COL23A1: variants seen among roughly 807,000 people sequenced by gnomAD.
COL23A1 encodes collagen alpha-1(XXIII) chain.
A neutral mutation model predicts 99.3 loss-of-function variants in COL23A1; 97 were observed. The observed-to-expected ratio is 0.98, with a 90% CI of 0.83 to 1.16. The LOEUF is 1.16. COL23A1 is among the 50% of genes most tolerant of loss of function. COL23A1 has a pLI of 0.00. For synonymous variants in COL23A1, 320 were observed against 308.2 expected (o/e 1.04, Z -0.40); for missense variants, 762 against 757.4 (o/e 1.01, Z -0.07).
chr5:178,502,963 G>A (rs540758939), intron 2 of COL23A1, among the ~76,000 whole-genome samples: 3 of 152,316 alleles, frequency 2.0e-5, no homozygotes, highest in Non-Finnish European at 4.4e-5. Flanking sequence ...CCAGCAGCAC[G>A]GGCCAACCCC....
intron 5 of COL23A1, among the ~76,000 whole-genome samples, chr5:178,277,208 A>G (rs955619110): frequency 1.3e-5 from 2 of 152,088 alleles, no homozygotes; most frequent in Non-Finnish European, 2.9e-5. Context: ...TCTAAAAAAA[A>G]AAAAAAAAAA....
At chr5:178,331,442 G>A (rs767366619) in intron 2 of COL23A1, among the ~76,000 whole-genome samples, 1 of 152,218 alleles carries the variant, frequency 6.6e-6, no homozygotes, top group Non-Finnish European at 1.5e-5. Context: ...CTGTAAACTG[G>A]GCATAACATG....
rs73804790 is a variant in COL23A1, at chr5:178,322,526, G to A, written c.362-15607C>T. Among the ~76,000 whole-genome samples the A allele has an allele frequency of 1.1e-4, 16 of 152,296 alleles. No homozygotes were observed. The South Asian group carries it at 1.4e-3, about 14-fold the overall frequency. On this transcript the variant is annotated intron_variant, in intron 2 of 28. Transcript: ENST00000390654. The stretch of plus-strand genomic sequence containing the variant: ...CCAAAGGGGAAAGATCTGGATTTGC[G>A]CGCTGCTTCTGTGAGTGTGACCTGG...
chr5:178,245,904 A>C, intron 25 of COL23A1, 38 bp downstream of exon 25: 1 of 1,612,352 alleles, frequency 6.2e-7, no homozygotes, highest in Non-Finnish European at 8.5e-7. Context: ...TACACACAAG[A>C]GGCACCCAAT....
intron 1 of COL23A1, among the ~76,000 whole-genome samples, chr5:178,568,812 A>G (rs7728369): frequency 0.017 from 2,584 of 152,254 alleles, 82 homozygotes; most frequent in African/African-American, 0.058. Context: ...CTACACTACC[A>G]TTTGCTCATC....
rs1488909522 is a variant in COL23A1, at chr5:178,357,914, GTA to G, written c.362-50997_362-50996del. Reference sequence around the variant, plus strand: ...GTGTGTATGTGTGTCTAATGTGTGTGTATGTGTATGTGTGTATGTGTATGTAT... The same window carrying G: ...GTGTGTATGTGTGTCTAATGTGTGTGTGTGTATGTGTGTATGTGTATGTAT... On this transcript the variant is annotated intron_variant, in intron 2 of 28. Transcript: ENST00000390654. Among the ~76,000 whole-genome samples, 236 of 61,946 alleles carry G rather than the reference GTA, an allele frequency of 3.8e-3. 2 individuals carry two copies. Among genetic ancestry groups the G allele is most frequent in the African/African-American group, 8.9e-3 (217 of 24,384 alleles). 40.6% of individuals were successfully genotyped at this position (61,946 alleles called of 152,430 possible). A position where few individuals can be genotyped will look rare whatever the true frequency, so the allele number is the denominator to read the frequency against.
chr5:178,561,913 G>A (rs1762578657), intron 1 of COL23A1: 1 of 327,374 alleles, frequency 3.1e-6, no homozygotes, highest in African/African-American at 2.2e-5. Flanking sequence ...GGCACCTCCA[G>A]CCACCGGAAA....
chr5:178,562,241 CA>C (rs780899897), intron 1 of COL23A1: 5 of 131,942 alleles, frequency 3.8e-5, no homozygotes, highest in South Asian at 3.6e-4. Context: ...GACTCCATCT[CA>C]AAAAAAGAAA....
At chr5:178,555,692 C>T (rs1237962736) in intron 2 of COL23A1, among the ~76,000 whole-genome samples, 1 of 152,214 alleles carries the variant, frequency 6.6e-6, no homozygotes, top group Non-Finnish European at 1.5e-5. Context: ...GGCTCCAGGA[C>T]ACGTGGAGTG....
In COL23A1 at chr5:178,280,329, C is replaced by T. The variant is rs75275442; in HGVS notation, c.441+7995G>A. Among the ~76,000 whole-genome samples the T allele has an allele frequency of 2.0e-5, 3 of 152,292 alleles. No homozygotes were observed. The highest frequency in any genetic ancestry group is 4.8e-5 in the African/African-American group (2 of 41,560). Reference sequence around the variant, plus strand: ...TTGGTAATGGACAGAGCAGTGGGAACGGTCCCTGAACCCAGTCCGTGTGCC... The same window carrying T: ...TTGGTAATGGACAGAGCAGTGGGAATGGTCCCTGAACCCAGTCCGTGTGCC... On this transcript the variant is annotated intron_variant, in intron 5 of 28. Transcript: ENST00000390654. The surrounding 1 kb of genome is among the most constrained non-coding windows in gnomAD (Gnocchi z 4.9).
intron 2 of COL23A1, among the ~76,000 whole-genome samples, chr5:178,417,339 G>C (rs1264576949): frequency 6.6e-6 from 1 of 152,222 alleles, no homozygotes; most frequent in Non-Finnish European, 1.5e-5. Flanking sequence ...GCTTGACCCT[G>C]CTGATTACTG....
chr5:178,277,723 G>T (rs1044861938), intron 5 of COL23A1, among the ~76,000 whole-genome samples: 1 of 152,252 alleles, frequency 6.6e-6, no homozygotes, highest in Non-Finnish European at 1.5e-5. Context: ...GTATGTCCAT[G>T]TCACACATCA....
At chr5:178,414,763 C>T (rs538055628) in intron 2 of COL23A1, among the ~76,000 whole-genome samples, 9 of 152,176 alleles carry the variant, frequency 5.9e-5, no homozygotes, top group Non-Finnish European at 1.0e-4. Context: ...CAGAGTGAGA[C>T]TCCAACTAAA....
At chr5:178,455,614 C>G (rs1238491790) in intron 2 of COL23A1, among the ~76,000 whole-genome samples, 1 of 152,196 alleles carries the variant, frequency 6.6e-6, no homozygotes, top group Admixed American at 6.5e-5. Flanking sequence ...GCCTCCACAT[C>G]CAGGCATGAC....
At chr5:178,262,192 C>A in intron 10 of COL23A1, 25 bp downstream of exon 10, 1 of 1,572,832 alleles carries the variant, frequency 6.4e-7, no homozygotes, top group Admixed American at 1.9e-5. Flanking sequence ...GCAGCCCAGG[C>A]CTCTGGAATG....
At chr5:178,296,777 C>G (rs1219656843) in intron 3 of COL23A1, among the ~76,000 whole-genome samples, 1 of 152,032 alleles carries the variant, frequency 6.6e-6, no homozygotes, top group Non-Finnish European at 1.5e-5. Context: ...TCTCGTTGCT[C>G]GTGGGACAGT....
intron 2 of COL23A1, among the ~76,000 whole-genome samples, chr5:178,523,181 C>CATATATATATATATATATAT (rs375162340): frequency 1.1e-5 from 1 of 90,448 alleles, no homozygotes; most frequent in Non-Finnish European, 2.2e-5. Context: ...TATATATACA[C>CATATATATATATATATATAT]ATATATATAT....
At chr5:178,469,329 A>G (rs1581447975) in intron 2 of COL23A1, among the ~76,000 whole-genome samples, 1 of 152,286 alleles carries the variant, frequency 6.6e-6, no homozygotes. Context: ...GACACTGCGC[A>G]GTGAGCAGGC....
At chr5:178,582,416 C>T (rs1386081052) in intron 1 of COL23A1, among the ~76,000 whole-genome samples, 4 of 152,122 alleles carry the variant, frequency 2.6e-5, no homozygotes, top group Non-Finnish European at 4.4e-5. Flanking sequence ...TCCCCAACAC[C>T]CGCCACTGCC....
Sources: gnomAD v4.1 joint callset for allele counts (sites outside exome capture counted in the v4.1 genomes callset) on GRCh38, gnomAD v4.1.1 for gene constraint, Gnocchi (gnomAD v3.1) non-coding constraint, MANE v1.5 for transcripts, NCBI Gene and HGNC (gene_info 2026-07-23, HGNC 2026-07-21) for gene names.